EFTUD2: variants seen among roughly 807,000 people sequenced by gnomAD.
EFTUD2 encodes elongation factor Tu GTP binding domain containing 2.
EFTUD2 carries 9 observed loss-of-function variants against 114.3 expected under a neutral mutation model. The observed-to-expected ratio is 0.08, with a 90% CI of 0.05 to 0.14. The LOEUF (loss-of-function observed/expected upper bound fraction) is 0.14. EFTUD2 is among the 10% of genes least tolerant of loss of function. EFTUD2 has a pLI of 1.00. For synonymous variants in EFTUD2, 449 were observed against 462.3 expected, an observed-to-expected ratio of 0.97 and a Z score of 0.37; for missense variants, 765 against 1,241.2, an observed-to-expected ratio of 0.62 and a Z score of 5.76.
At chr17:44,853,933 G>A in intron 23 of EFTUD2, 1 of 1,360,682 alleles carries the variant, frequency 7.3e-7, no homozygotes, top group Non-Finnish European at 9.5e-7. Flanking sequence ...ATAAATTCCA[G>A]AATTGTACAT....
intron 18 of EFTUD2, chr17:44,859,604 T>C: frequency 1.9e-6 from 1 of 529,628 alleles, no homozygotes; most frequent in Non-Finnish European, 3.4e-6. Flanking sequence ...AGAAATGTAT[T>C]TTTGTCTAGA....
At chr17:44,886,310 A>G (rs970558564) in intron 3 of EFTUD2, among the ~76,000 whole-genome samples, 5 of 152,226 alleles carry the variant, frequency 3.3e-5, no homozygotes, top group African/African-American at 1.2e-4. Flanking sequence ...ATGGAAAAAC[A>G]TATCAGGCCA....
chr17:44,879,427 A>G, intron 9 of EFTUD2, 129 bp downstream of exon 9: 1 of 903,038 alleles, frequency 1.1e-6, no homozygotes, highest in South Asian at 1.5e-5. Flanking sequence ...TTTTAGAGCA[A>G]ATTTGAGCCT....
Position 44,854,489 on chromosome 17 carries a change from C to A in EFTUD2, c.2259+67G>T. 2 of 1,584,726 alleles carry A rather than the reference C, an allele frequency of 1.3e-6. No individual in the cohort carries two copies. The highest frequency in any genetic ancestry group is 1.7e-6 in the Non-Finnish European group (2 of 1,163,452). On this transcript the variant is annotated intron_variant, in intron 22 of 27. Coordinates refer to ENST00000426333, the MANE Select transcript of EFTUD2 (RefSeq NM_004247.4). This position sits in a 1 kb window ranked among gnomAD's most constrained non-coding sequence, Gnocchi z 4.3. ...ACACAAGATACTTTTGGGAAAAGAA[C>A]ACTTTGTAGTTTCTTCCACTCCAGA...
chr17:44,865,807 G>A (rs1025631223), intron 13 of EFTUD2, among the ~76,000 whole-genome samples: 4 of 151,924 alleles, frequency 2.6e-5, no homozygotes, highest in East Asian at 3.9e-4. Flanking sequence ...TCATATAAAC[G>A]TCATGCTATA....
At chr17:44,874,084 C>T (rs2050905079) in intron 10 of EFTUD2, among the ~76,000 whole-genome samples, 1 of 149,236 alleles carries the variant, frequency 6.7e-6, no homozygotes, top group South Asian at 2.1e-4. Context: ...CTCTGTCACC[C>T]ACATTGGAGT....
At chr17:44,870,186 T>C (rs1267811456) in intron 11 of EFTUD2, among the ~76,000 whole-genome samples, 1 of 152,194 alleles carries the variant, frequency 6.6e-6, no homozygotes, top group African/African-American at 2.4e-5. Context: ...AAACTAACAG[T>C]GGGTTCAAAG....
Position 44,860,428 on chromosome 17 carries a change from C to T in EFTUD2, c.1719+4G>A, listed in dbSNP as rs1184772287. 18 of 1,611,188 alleles carry T rather than the reference C, an allele frequency of 1.1e-5. No homozygotes were observed. The highest frequency in any genetic ancestry group is 1.5e-5 in the Non-Finnish European group (18 of 1,177,498). The stretch of plus-strand genomic sequence containing the variant: ...AACCCAGTTGGTCTCTTCAGAAACT[C>T]TACCTCCTCATTGCCTCGGGGTTCG... On this transcript the variant is annotated splice_donor_region_variant and intron_variant, in intron 17 of 27. Transcript: ENST00000426333.
intron 11 of EFTUD2, among the ~76,000 whole-genome samples, chr17:44,872,001 T>C (rs2050863739): frequency 6.6e-6 from 1 of 152,156 alleles, no homozygotes; most frequent in Admixed American, 6.5e-5. Flanking sequence ...GCTGGGCATG[T>C]TAGCAGAGGC....
intron 10 of EFTUD2, among the ~76,000 whole-genome samples, chr17:44,874,241 A>C: frequency 6.6e-6 from 1 of 151,176 alleles, no homozygotes; most frequent in Admixed American, 6.6e-5. Context: ...CACAGAGTCT[A>C]GCTATGTTGC....
intron 10 of EFTUD2, among the ~76,000 whole-genome samples, chr17:44,873,513 G>A (rs972156901): frequency 2.6e-5 from 4 of 151,920 alleles, no homozygotes; most frequent in African/African-American, 9.7e-5. Context: ...GAACCACCAA[G>A]CCTGGCTAAT....
Position 44,868,327 on chromosome 17 carries a change from C to T in EFTUD2, c.1018G>A (p.Ala340Thr). ...TAGATGTCACCCCAGAGTCTTTTAG[C>T]AAATTCTTGGTAATTAATGTCACCT... Reference protein sequence around the residue: ...TFGDINYQEFAKRLWGDIYFN... With the variant: ...TFGDINYQEFTKRLWGDIYFN... Residue 340 changes from alanine to threonine, a missense_variant, in exon 12 of 28, where the codon GCT (alanine) becomes ACT (threonine). Coordinates refer to ENST00000426333, the MANE Select transcript of EFTUD2 (RefSeq NM_004247.4). 1.2e-6 allele frequency: 2 copies of T among 1,614,038 alleles called. No homozygotes were observed. Among genetic ancestry groups the T allele is most frequent in the Non-Finnish European group, 1.7e-6 (2 of 1,179,974 alleles).
intron 4 of EFTUD2, 120 bp downstream of exon 4, chr17:44,885,136 T>C: frequency 1.4e-6 from 1 of 732,174 alleles, no homozygotes; most frequent in South Asian, 1.7e-5. Context: ...TGAAGGAGAA[T>C]TTGAGAGCTA....
chr17:44,875,951 C>T lies in EFTUD2; in HGVS notation c.852G>A (p.Glu284=). 1 of 1,613,982 alleles carries T rather than the reference C, an allele frequency of 6.2e-7. No individual in the cohort carries two copies. The highest frequency in any genetic ancestry group is 1.1e-5 in the South Asian group (1 of 91,072). The change falls in exon 10 of 28, where the codon GAG becomes GAA. Residue 284 remains glutamate (E), a synonymous_variant. Transcript: ENST00000426333. ...AYYKLRHIVD[E]VNGLISMYST... is the part of the protein sequence containing the mutation. Reference sequence around the variant, plus strand: ...TTTTCTACCTTATTAATCCATTGACCTCATCCACAATGTGGCGCAGCTTGT... The same window carrying T: ...TTTTCTACCTTATTAATCCATTGACTTCATCCACAATGTGGCGCAGCTTGT...
intron 11 of EFTUD2, 150 bp from the exon 12 acceptor site, chr17:44,868,500 G>A: frequency 1.6e-6 from 1 of 630,378 alleles, no homozygotes; most frequent in Non-Finnish European, 2.7e-6. Context: ...AGGAAAACGA[G>A]GACACTGAGG....
intron 3 of EFTUD2, among the ~76,000 whole-genome samples, chr17:44,885,874 C>A (rs549250302): frequency 6.6e-6 from 1 of 152,174 alleles, no homozygotes; most frequent in South Asian, 2.1e-4. Context: ...AGCGATCCTC[C>A]TGCTCTGGCC....
At position 44,858,980 on chromosome 17, in the gene EFTUD2, T is replaced by C. The variant is rs960374074; in HGVS notation, c.1962+100A>G. 1.7e-5 allele frequency: 14 copies of C among 814,672 alleles called. No individual in the cohort carries two copies. In the East Asian group the frequency reaches 2.8e-4, roughly 16 times the overall value. 50.5% of individuals were successfully genotyped at this position (814,672 alleles called of 1,614,324 possible). A position where few individuals can be genotyped will look rare whatever the true frequency, so the allele number is the denominator to read the frequency against. ...ACAGATCATGGTTTTCACAAACACA[T>C]GTACTCTCTCTTCCCTTGGAGCTTC... On this transcript the variant is annotated intron_variant, in intron 19 of 27. Transcript: ENST00000426333.
Position 44,852,441 on chromosome 17 carries a change from C to A in EFTUD2, c.2683G>T (p.Ala895Ser). The A allele has an allele frequency of 6.2e-7, 1 of 1,614,048 alleles. No individual in the cohort carries two copies. Among genetic ancestry groups the A allele is most frequent in the Non-Finnish European group, 8.5e-7 (1 of 1,180,014 alleles). ...TDLRTHTQGQ[A>S]FSLSVFHHWQ... ...TGGTGGAAGACAGACAGAGAAAAGG[C>A]TTGTCCCTGGGTGTGAGTCCGGAGA... is the stretch of plus-strand genomic sequence containing the variant. Residue 895 changes from alanine to serine, a missense_variant, in exon 26 of 28, where the codon GCC (alanine) becomes TCC (serine). By Grantham distance (99) the Ala-to-Ser change is moderately conservative. Transcript: ENST00000426333.
At chr17:44,871,556 G>C (rs533045721) in intron 11 of EFTUD2, among the ~76,000 whole-genome samples, 84 of 149,618 alleles carry the variant, frequency 5.6e-4, no homozygotes, top group African/African-American at 2.1e-3. Flanking sequence ...AGCCAGGATG[G>C]TCTTGATCTC....
Sources: allele counts gnomAD v4.1 joint callset (sites outside exome capture counted in the v4.1 genomes callset), GRCh38; gene constraint gnomAD v4.1.1; non-coding constraint Gnocchi (gnomAD v3.1); transcripts MANE v1.5; gene names NCBI Gene and HGNC (gene_info 2026-07-23, HGNC 2026-07-21).